KIAA0319L: variants seen among roughly 807,000 people sequenced by gnomAD.
KIAA0319L encodes KIAA0319 like, also known as dyslexia-associated protein KIAA0319-like protein.
A neutral mutation model predicts 120.1 loss-of-function variants in KIAA0319L; 55 were observed. That is an observed-to-expected ratio of 0.46 (90% CI 0.37 to 0.57). KIAA0319L has a LOEUF of 0.57. Ranked by LOEUF, KIAA0319L falls within the 20% of genes least tolerant of loss-of-function variation. The pLI is 0.00. For synonymous variants in KIAA0319L, 398 were observed against 471.9 expected, an observed-to-expected ratio of 0.84 and a Z score of 2.03; for missense variants, 1,049 against 1,255.3, an observed-to-expected ratio of 0.84 and a Z score of 2.48.
intron 2 of KIAA0319L, among the ~76,000 whole-genome samples, chr1:35,509,453 CA>C (rs1403083110): frequency 6.6e-6 from 1 of 152,164 alleles, no homozygotes; most frequent in African/African-American, 2.4e-5. Flanking sequence ...TCTATAAAAT[CA>C]ATGATTTAGA....
rs899924972 is a variant in KIAA0319L at position 35,486,376 on chromosome 1, G to GA, written c.667-7165dup. ...ATGACAGAGTAAGACCCTGTCTCAA[G>GA]AAAAAAAAAAAAAAAAAAAAAAGAA... On this transcript the variant is annotated intron_variant, in intron 3 of 20. Coordinates refer to ENST00000325722, the MANE Select transcript of KIAA0319L (RefSeq NM_024874.5). 7.1e-3 allele frequency among the ~76,000 whole-genome samples: 368 copies of GA among 52,100 alleles called. 1 individual carries two copies. Among genetic ancestry groups the GA allele is most frequent in the Middle Eastern group, 0.012 (1 of 84 alleles). The allele number at this position is 52,100 out of a possible 152,430, so 34.2% of individuals were successfully genotyped here. A position where few individuals can be genotyped will look rare whatever the true frequency, so the allele number is the denominator to read the frequency against.
intron 20 of KIAA0319L, among the ~76,000 whole-genome samples, chr1:35,436,647 AT>A (rs1240251506): frequency 6.6e-6 from 1 of 152,218 alleles, no homozygotes; most frequent in Non-Finnish European, 1.5e-5. Context: ...TAGAAAAAAA[AT>A]CAATAGAAAA....
In KIAA0319L at chr1:35,453,445, C is replaced by A; in HGVS notation, c.1913+112G>T. On this transcript the variant is annotated intron_variant, in intron 12 of 20. Coordinates refer to ENST00000325722, the MANE Select transcript of KIAA0319L (RefSeq NM_024874.5). The surrounding 1 kb of genome is among the most constrained non-coding windows in gnomAD (Gnocchi z 4.1). ...GAATTGCAAACATTTCTTCCTCAGTCACCCCACTGGATAAGCCAATAAGAG... is the reference window on the plus strand; with the variant it reads ...GAATTGCAAACATTTCTTCCTCAGTAACCCCACTGGATAAGCCAATAAGAG... 1 of 870,758 alleles carries A rather than the reference C, an allele frequency of 1.1e-6. No homozygotes were observed. The highest frequency in any genetic ancestry group is 1.9e-5 in the South Asian group (1 of 53,346). 53.9% of individuals were successfully genotyped at this position (870,758 alleles called of 1,614,324 possible).
intron 11 of KIAA0319L, 144 bp downstream of exon 11, chr1:35,454,218 A>C: frequency 1.3e-6 from 1 of 741,888 alleles, no homozygotes. Context: ...GCACAAGGGG[A>C]AGGAACAATA....
At chr1:35,530,279 G>A (rs1276347386) in intron 2 of KIAA0319L, among the ~76,000 whole-genome samples, 3 of 150,740 alleles carry the variant, frequency 2.0e-5, no homozygotes, top group Non-Finnish European at 2.9e-5. Flanking sequence ...GCTTGTTTCA[G>A]CCTCCCAAAA....
intron 15 of KIAA0319L, among the ~76,000 whole-genome samples, chr1:35,449,528 C>G (rs1361585943): frequency 6.6e-6 from 1 of 152,170 alleles, no homozygotes; most frequent in Non-Finnish European, 1.5e-5. Context: ...CACTCTGAGC[C>G]CTCTCTCATC....
chr1:35,527,394 G>C (rs1298370557), intron 2 of KIAA0319L, among the ~76,000 whole-genome samples: 1 of 152,038 alleles, frequency 6.6e-6, no homozygotes, highest in Non-Finnish European at 1.5e-5. Context: ...GGTAATGCTG[G>C]CTTCATAGAA....
intron 2 of KIAA0319L, among the ~76,000 whole-genome samples, chr1:35,544,495 A>G (rs1452577254): frequency 1.3e-5 from 2 of 152,348 alleles, no homozygotes; most frequent in East Asian, 3.9e-4. Flanking sequence ...GGCAGAGGAT[A>G]TAGCAAAAAT....
intron 2 of KIAA0319L, among the ~76,000 whole-genome samples, chr1:35,514,115 G>T (rs1166723005): frequency 3.3e-5 from 5 of 152,070 alleles, no homozygotes; most frequent in South Asian, 2.1e-4. Flanking sequence ...TGGGGTAATG[G>T]TTAAGTGAAT....
chr1:35,555,911 T>C lies in KIAA0319L; in HGVS notation c.-29+1296A>G, dbSNP rs536499098. 2.0e-5 allele frequency among the ~76,000 whole-genome samples: 3 copies of C among 152,344 alleles called. No homozygotes were observed. The East Asian group carries it at 5.8e-4, about 29-fold the overall frequency. ...ACAAGCTGATTAGAAGTGCCATGTCTAATAAATCTTGCGTCTAAGAGAAAG... is the reference window on the plus strand; with the variant it reads ...ACAAGCTGATTAGAAGTGCCATGTCCAATAAATCTTGCGTCTAAGAGAAAG... On this transcript the variant is annotated intron_variant, in intron 1 of 20. Transcript: ENST00000325722.
rs2149109485 is a variant in KIAA0319L, at chr1:35,462,721, A to G, written c.1202-8T>C. 1 of 1,608,396 alleles carries G rather than the reference A, an allele frequency of 6.2e-7. No individual in the cohort carries two copies. Among genetic ancestry groups the G allele is most frequent in the South Asian group, 1.1e-5 (1 of 90,974 alleles). On this transcript the variant is annotated splice_region_variant and splice_polypyrimidine_tract_variant and intron_variant, in intron 7 of 20. Coordinates refer to ENST00000325722, the MANE Select transcript of KIAA0319L (RefSeq NM_024874.5). ...GCCGATTCTTACGGGGCTCTGCAAG[A>G]AAGTGACCCAAAAGAAATTGGGAAA... is the stretch of plus-strand genomic sequence containing the variant.
At position 35,455,901 on chromosome 1, in the gene KIAA0319L, C is replaced by A; in HGVS notation, c.1656+112G>T. On this transcript the variant is annotated intron_variant, in intron 10 of 20. Transcript: ENST00000325722. ...GCCAAGATAAAGATTTTTGCTACCA[C>A]GTTAATCAAAGGCCCCTAAAGCTTT... The A allele has an allele frequency of 7.3e-6, 6 of 816,328 alleles. No individual in the cohort carries two copies. The South Asian group carries it at 1.0e-4, about 14-fold the overall frequency. The allele number at this position is 816,328 out of a possible 1,614,324, so 50.6% of individuals were successfully genotyped here.
chr1:35,497,910 C>T (rs911431481), intron 3 of KIAA0319L, among the ~76,000 whole-genome samples: 1 of 152,126 alleles, frequency 6.6e-6, no homozygotes. Flanking sequence ...TAAAGTTAGG[C>T]AGACAGATTT....
At chr1:35,529,769 T>C (rs1385651474) in intron 2 of KIAA0319L, among the ~76,000 whole-genome samples, 1 of 152,220 alleles carries the variant, frequency 6.6e-6, no homozygotes, top group Non-Finnish European at 1.5e-5. Context: ...ACAGTTTGAC[T>C]ATCATGTGCC....
At chr1:35,521,393 G>A (rs145341020) in intron 2 of KIAA0319L, among the ~76,000 whole-genome samples, 12 of 152,048 alleles carry the variant, frequency 7.9e-5, no homozygotes, top group African/African-American at 2.7e-4. Flanking sequence ...CCAGCACTTC[G>A]GGAGGCCAAG....
At position 35,444,313 on chromosome 1, in the gene KIAA0319L, C is replaced by T; in HGVS notation, c.2514-10G>A. 1 of 1,601,272 alleles carries T rather than the reference C, an allele frequency of 6.2e-7. No homozygotes were observed. The highest frequency in any genetic ancestry group is 8.5e-7 in the Non-Finnish European group (1 of 1,174,590). The stretch of plus-strand genomic sequence containing the variant: ...AAATACCATTTTGGTGCTGCAGAGA[C>T]ATGCAACAGTACTAATGAGCTGAAG... On this transcript the variant is annotated splice_polypyrimidine_tract_variant and intron_variant, in intron 16 of 20. Coordinates refer to ENST00000325722, the MANE Select transcript of KIAA0319L (RefSeq NM_024874.5).
At chr1:35,502,840 C>T (rs1375858811) in intron 3 of KIAA0319L, among the ~76,000 whole-genome samples, 1 of 152,144 alleles carries the variant, frequency 6.6e-6, no homozygotes, top group Non-Finnish European at 1.5e-5. Context: ...ACAACAACCT[C>T]GATTTCCATA....
chr1:35,520,667 T>C (rs1645875472), intron 2 of KIAA0319L, among the ~76,000 whole-genome samples: 1 of 152,188 alleles, frequency 6.6e-6, no homozygotes, highest in Admixed American at 6.5e-5. Context: ...ATGAGCAACC[T>C]CAATGACCTC....
chr1:35,529,930 T>C (rs1204346059), intron 2 of KIAA0319L, among the ~76,000 whole-genome samples: 1 of 152,136 alleles, frequency 6.6e-6, no homozygotes. Context: ...CCTTCTGGGA[T>C]ACCCAAGACT....
Sources: allele counts gnomAD v4.1 joint callset (sites outside exome capture counted in the v4.1 genomes callset), GRCh38; gene constraint gnomAD v4.1.1; non-coding constraint Gnocchi (gnomAD v3.1); transcripts MANE v1.5; gene names NCBI Gene and HGNC (gene_info 2026-07-23, HGNC 2026-07-21).